The following RBM26 variants were observed in gnomAD, a reference collection of about 807,000 sequenced individuals.
RBM26 encodes the protein RNA-binding protein 26.
RBM26 carries 30 observed loss-of-function variants against 123.6 expected under a neutral mutation model. The observed-to-expected ratio is 0.24, with a 90% CI of 0.18 to 0.33. The LOEUF (loss-of-function observed/expected upper bound fraction) is 0.33, where lower values mean the gene tolerates loss of function less well. Ranked by LOEUF, RBM26 falls within the 10% of genes least tolerant of loss-of-function variation. The probability of loss-of-function intolerance (pLI) is 1.00; values close to 1 mark genes in which losing one functional copy is unlikely to be tolerated. For synonymous variants in RBM26, 400 were observed against 404.4 expected, an observed-to-expected ratio of 0.99 and a Z score of 0.13; for missense variants, 947 against 1,203.6, an observed-to-expected ratio of 0.79 and a Z score of 3.15.
chr13:79,400,711 T>C (rs2078991152), intron 1 of RBM26, among the ~76,000 whole-genome samples: 1 of 152,100 alleles, frequency 6.6e-6, no homozygotes, highest in Non-Finnish European at 1.5e-5. Flanking sequence ...ACATTAGGGA[T>C]TCAAGGCAAG....
rs199639464 is a variant in RBM26, at chr13:79,342,779, G to A, written c.2312C>T (p.Ala771Val). 1.9e-5 allele frequency: 31 copies of A among 1,608,098 alleles called. No individual in the cohort carries two copies. The East Asian group carries it at 5.1e-4, about 27-fold the overall frequency. ...KNKTMKSEDK[A>V]EIMKTLEVLT... ...AACCTCTAAAGTTTTCATTATTTCT[G>A]CTTTATCTTCAGACTTCATTGTTTT... Residue 771 changes from alanine to valine, a missense_variant, in exon 17 of 22, where the codon GCA (alanine) becomes GTA (valine). This residue lies in a region of RBM26 where 493 missense variants were observed against 563.1 expected (regional missense o/e 0.88). Transcript: ENST00000438737.
intron 1 of RBM26, among the ~76,000 whole-genome samples, chr13:79,386,789 T>C (rs941122138): frequency 6.6e-6 from 1 of 151,740 alleles, no homozygotes; most frequent in Non-Finnish European, 1.5e-5. Context: ...AGGTAACCCA[T>C]CCCTCTGGTT....
intron 17 of RBM26, among the ~76,000 whole-genome samples, chr13:79,341,438 T>C (rs2071360185): frequency 6.6e-6 from 1 of 151,846 alleles, no homozygotes; most frequent in Admixed American, 6.6e-5. Flanking sequence ...TTTCCTATAA[T>C]TCATTTTCCA....
chr13:79,334,967 C>G (rs1189288042), intron 19 of RBM26, among the ~76,000 whole-genome samples: 3 of 152,110 alleles, frequency 2.0e-5, no homozygotes, highest in Non-Finnish European at 4.4e-5. Flanking sequence ...ACTACACACT[C>G]TACTGTACTT....
chr13:79,359,458 G>T, intron 10 of RBM26, 117 bp downstream of exon 10: 1 of 516,270 alleles, frequency 1.9e-6, no homozygotes. Context: ...CTTGGGGATT[G>T]CTTACAGAAC....
downstream of RBM26, chr13:79,314,794 T>TA: frequency 3.3e-6 from 1 of 302,232 alleles, no homozygotes; most frequent in South Asian, 3.4e-5. Context: ...CACATTCAGA[T>TA]ACACTTTGGA....
intron 8 of RBM26, 127 bp downstream of exon 8, chr13:79,365,928 C>A: frequency 9.9e-7 from 1 of 1,008,636 alleles, no homozygotes; most frequent in South Asian, 1.8e-5. Context: ...ATTTAATGTT[C>A]ATTCACCACG....
At chr13:79,317,511 A>C (rs9545066), downstream of RBM26, among the ~76,000 whole-genome samples, 76,469 of 151,320 alleles carry the variant, frequency 0.51, 19,715 homozygotes, top group Middle Eastern at 0.6. Flanking sequence ...AAAACTAAAT[A>C]TCATATAAAC....
chr13:79,365,989 G>T, intron 8 of RBM26, 66 bp downstream of exon 8: 1 of 1,480,518 alleles, frequency 6.8e-7, no homozygotes, highest in Non-Finnish European at 9.3e-7. Context: ...ATTCTCTCTA[G>T]ACATTTTAAA....
In RBM26 at chr13:79,342,705, G is replaced by A. The variant is rs758864883; in HGVS notation, c.2386C>T (p.Pro796Ser). The change falls in exon 17 of 22, where the codon CCT becomes TCT. Residue 796 changes from proline to serine, a missense_variant. Coordinates refer to ENST00000438737, the MANE Select transcript of RBM26 (RefSeq NM_001366735.2). ...KLKDEVKAAS[P>S]GRCLPKSIKT... ...ATACTTTTTGGAAGACAGCGTCCAG[G>A]AGAAGCAGCTTTGACCTCATCTTTC... 9.3e-6 allele frequency: 15 copies of A among 1,611,364 alleles called. No homozygotes were observed. Among genetic ancestry groups the A allele is most frequent in the Non-Finnish European group, 1.3e-5 (15 of 1,178,468 alleles).
chr13:79,381,439 A>T (rs12561006), intron 1 of RBM26, among the ~76,000 whole-genome samples: 68 of 151,780 alleles, frequency 4.5e-4, no homozygotes, highest in African/African-American at 1.2e-3. Context: ...ATACATAATA[A>T]TATTATTATG....
chr13:79,340,629 C>G (rs1034700169), intron 18 of RBM26, among the ~76,000 whole-genome samples: 40 of 151,712 alleles, frequency 2.6e-4, no homozygotes, highest in African/African-American at 8.2e-4. Context: ...TATAAATAAC[C>G]ATCTAATTAA....
intron 5 of RBM26, among the ~76,000 whole-genome samples, chr13:79,370,536 C>G (rs1450394830): frequency 6.6e-6 from 1 of 152,180 alleles, no homozygotes; most frequent in Non-Finnish European, 1.5e-5. Context: ...ACAAATAAGT[C>G]TGCTATGAAC....
At chr13:79,354,376 C>A in intron 13 of RBM26, 63 bp downstream of exon 13, 1 of 1,307,040 alleles carries the variant, frequency 7.7e-7, no homozygotes, top group East Asian at 2.6e-5. Context: ...TAATTCAAAT[C>A]ACCAAGGGAA....
At chr13:79,350,482 A>C (rs941284416) in intron 14 of RBM26, among the ~76,000 whole-genome samples, 1 of 152,148 alleles carries the variant, frequency 6.6e-6, no homozygotes, top group Non-Finnish European at 1.5e-5. Context: ...TAATTTATCA[A>C]ATCTATTCAC....
At chr13:79,325,152 G>A (rs2138504868) in intron 20 of RBM26, among the ~76,000 whole-genome samples, 1 of 152,220 alleles carries the variant, frequency 6.6e-6, no homozygotes, top group East Asian at 1.9e-4. Flanking sequence ...GCACAATTAT[G>A]TACAGCATAA....
intron 1 of RBM26, among the ~76,000 whole-genome samples, chr13:79,380,122 C>CA (rs1393003430): frequency 6.6e-6 from 1 of 152,124 alleles, no homozygotes; most frequent in Admixed American, 6.5e-5. Context: ...CACATATACT[C>CA]ACGTGTTCAA....
At chr13:79,348,112 T>A (rs1008321364) in intron 14 of RBM26, among the ~76,000 whole-genome samples, 1 of 152,154 alleles carries the variant, frequency 6.6e-6, no homozygotes, top group Non-Finnish European at 1.5e-5. Flanking sequence ...GAATAAATAC[T>A]ACCTGGCCAT....
intron 20 of RBM26, among the ~76,000 whole-genome samples, chr13:79,331,971 T>C (rs1468216691): frequency 6.6e-6 from 1 of 152,232 alleles, no homozygotes; most frequent in Non-Finnish European, 1.5e-5. Context: ...GTGTTCTGCT[T>C]ATACTGATGG....
Sources: allele counts gnomAD v4.1 joint callset (sites outside exome capture counted in the v4.1 genomes callset), GRCh38; gene constraint gnomAD v4.1.1; regional missense constraint gnomAD v4.1.1; transcripts MANE v1.5; gene names NCBI Gene and HGNC (gene_info 2026-07-23, HGNC 2026-07-21).